Variants in PHF24 observed in about 807,000 individuals in gnomAD.
PHF24 encodes the protein Galpha inhibitory interacting protein.
In PHF24, 25 loss-of-function variants were observed where a neutral mutation model predicts 42.6. The observed-to-expected ratio is 0.59, with a 90% CI of 0.43 to 0.82. The LOEUF (loss-of-function observed/expected upper bound fraction) is 0.82. PHF24 is among the 40% of genes least tolerant of loss of function. The probability of loss-of-function intolerance (pLI) is 0.00; values close to 1 mark genes in which losing one functional copy is unlikely to be tolerated. For missense variants in PHF24, 470 were observed against 538.1 expected (o/e 0.87, Z 1.25); for synonymous variants, 185 against 204.8 (o/e 0.90, Z 0.83).
chr9:34,689,641 C>T, the PHF24 span: 1 of 692,430 alleles, frequency 1.4e-6, no homozygotes. The surrounding 1 kb of genome is among the most constrained non-coding windows in gnomAD (Gnocchi z 4.1). Context: ...ACTCTGACCA[C>T]ACTCACCCTC....
chr9:34,974,851 G>A (rs951332787), intron 3 of PHF24, among the ~76,000 whole-genome samples: 1 of 152,004 alleles, frequency 6.6e-6, no homozygotes, highest in Admixed American at 6.6e-5. Context: ...CCTTATCTCT[G>A]TGAATAGTAA....
chr9:34,946,316 T>G, the PHF24 span, among the ~76,000 whole-genome samples: 1 of 152,250 alleles, frequency 6.6e-6, no homozygotes, highest in Non-Finnish European at 1.5e-5. Flanking sequence ...AGCTACCTCC[T>G]TAATGTCTTG....
At chr9:34,926,317 G>A in the PHF24 span, among the ~76,000 whole-genome samples, 1 of 152,062 alleles carries the variant, frequency 6.6e-6, no homozygotes, top group African/African-American at 2.4e-5. This position sits in a 1 kb window ranked among gnomAD's most constrained non-coding sequence, Gnocchi z 4.3. Context: ...GCTGTTTCTC[G>A]AAGGCCTAGG....
At chr9:34,811,992 A>C in the PHF24 span, among the ~76,000 whole-genome samples, 1 of 152,228 alleles carries the variant, frequency 6.6e-6, no homozygotes, top group Admixed American at 6.5e-5. Context: ...GTGAATAGAC[A>C]TTTCTCCAAA....
At chr9:34,917,506 G>A in the PHF24 span, 1 of 773,140 alleles carries the variant, frequency 1.3e-6, no homozygotes, top group East Asian at 2.4e-5. Context: ...AGCCTGCAGA[G>A]ACCAATTTGA....
chr9:34,690,042 G>C, the PHF24 span: 1 of 1,611,548 alleles, frequency 6.2e-7, no homozygotes, highest in Middle Eastern at 1.7e-4. Context: ...AGAGGCCGGA[G>C]AGAATGGAGC....
At chr9:34,815,175 G>T in the PHF24 span, among the ~76,000 whole-genome samples, 2 of 152,220 alleles carry the variant, frequency 1.3e-5, no homozygotes, top group Admixed American at 1.3e-4. Context: ...ACTCACCTCA[G>T]TTAAGCATCA....
the PHF24 span, among the ~76,000 whole-genome samples, chr9:34,868,397 T>A: frequency 3.3e-5 from 5 of 152,200 alleles, no homozygotes. Flanking sequence ...CTCTGTCCTG[T>A]TCTCTATGAA....
chr9:34,789,665 C>T, the PHF24 span, among the ~76,000 whole-genome samples: 1 of 152,150 alleles, frequency 6.6e-6, no homozygotes, highest in Non-Finnish European at 1.5e-5. Context: ...TTATTGCATG[C>T]TGGGTTTCTT....
the PHF24 span, among the ~76,000 whole-genome samples, chr9:34,854,104 C>CCT: frequency 6.6e-6 from 1 of 150,902 alleles, no homozygotes; most frequent in South Asian, 2.1e-4. Context: ...GTTTGTATTT[C>CCT]TGTGGGGTCA....
At chr9:34,750,456 C>T in the PHF24 span, among the ~76,000 whole-genome samples, 2 of 151,206 alleles carry the variant, frequency 1.3e-5, no homozygotes, top group Admixed American at 6.6e-5. Context: ...CGCCACTGCA[C>T]TCCAGTCTGG....
chr9:34,832,896 T>G, the PHF24 span: 1 of 1,551,708 alleles, frequency 6.4e-7, no homozygotes, highest in Non-Finnish European at 8.7e-7. Context: ...TGCAGGTCCT[T>G]CTCAGACTCT....
At chr9:34,846,192 T>C in the PHF24 span, among the ~76,000 whole-genome samples, 12 of 152,344 alleles carry the variant, frequency 7.9e-5, no homozygotes, top group African/African-American at 2.4e-4. Context: ...TCCACAATGG[T>C]TGAACTAGTT....
intron 1 of PHF24, among the ~76,000 whole-genome samples, chr9:34,962,358 T>TG (rs1295291871): frequency 7.0e-6 from 1 of 142,770 alleles, no homozygotes; most frequent in Non-Finnish European, 1.5e-5. Flanking sequence ...CCTGGAATGC[T>TG]TTTTTTTTTT....
chr9:34,801,075 T>C, the PHF24 span, among the ~76,000 whole-genome samples: 1 of 152,200 alleles, frequency 6.6e-6, no homozygotes. Context: ...ACATCATCAT[T>C]GGTCATCAAA....
chr9:34,703,629 G>A, the PHF24 span, among the ~76,000 whole-genome samples: 1 of 151,710 alleles, frequency 6.6e-6, no homozygotes, highest in Admixed American at 6.6e-5. Flanking sequence ...AAATCTGATT[G>A]CTTACTCTTT....
At chr9:34,667,490 T>G in the PHF24 span, among the ~76,000 whole-genome samples, 1 of 152,180 alleles carries the variant, frequency 6.6e-6, no homozygotes, top group Non-Finnish European at 1.5e-5. Context: ...ATGTTGACAC[T>G]CCAGGCCTGG....
the PHF24 span, among the ~76,000 whole-genome samples, chr9:34,738,841 T>C: frequency 6.6e-6 from 1 of 152,192 alleles, no homozygotes; most frequent in African/African-American, 2.4e-5. Context: ...ACATCATGCT[T>C]ATACCTAGAG....
chr9:34,845,837 A>T, the PHF24 span, among the ~76,000 whole-genome samples: 3 of 144,858 alleles, frequency 2.1e-5, no homozygotes, highest in African/African-American at 7.7e-5. Flanking sequence ...CCTATGAGTG[A>T]GAATATGCGG....
Sources: allele counts gnomAD v4.1 joint callset (sites outside exome capture counted in the v4.1 genomes callset), GRCh38; gene constraint gnomAD v4.1.1; non-coding constraint Gnocchi (gnomAD v3.1); transcripts MANE v1.5; gene names NCBI Gene and HGNC (gene_info 2026-07-23, HGNC 2026-07-21).